Variants in KCNAB2 observed in about 807,000 individuals in gnomAD.
KCNAB2 encodes the protein potassium voltage-gated channel subfamily A regulatory beta subunit 2, also known as voltage-gated potassium channel subunit beta-2.
KCNAB2 carries 29 observed loss-of-function variants against 63.6 expected under a neutral mutation model. That is an observed-to-expected ratio of 0.46 (90% CI 0.34 to 0.62). The LOEUF (loss-of-function observed/expected upper bound fraction) is 0.62. Ranked by LOEUF, KCNAB2 falls within the 20% of genes least tolerant of loss-of-function variation. The pLI is 0.01. For missense variants in KCNAB2, 359 were observed against 563.9 expected (o/e 0.64, Z 3.68); for synonymous variants, 222 against 224.2 (o/e 0.99, Z 0.09).
intron 1 of KCNAB2, among the ~76,000 whole-genome samples, chr1:6,011,500 G>C (rs563490341): frequency 5.9e-5 from 9 of 152,236 alleles, no homozygotes; most frequent in Admixed American, 5.9e-4. Flanking sequence ...AGGAGAGGCA[G>C]GCAGATGTGC....
At position 6,073,934 on chromosome 1, in the gene KCNAB2, GA is replaced by G; in HGVS notation, c.300+167del. The G allele has an allele frequency of 1.5e-6, 1 of 678,368 alleles. No individual in the cohort carries two copies. 42.0% of individuals were successfully genotyped at this position (678,368 alleles called of 1,614,324 possible). ...GGGCGCCCTGCCCCAGGGGAGAGTAGAAAGGTGAGCCAGGTGGCCATGGCCA... is the reference window on the plus strand; with the variant it reads ...GGGCGCCCTGCCCCAGGGGAGAGTAGAAGGTGAGCCAGGTGGCCATGGCCA... On this transcript the variant is annotated intron_variant, in intron 4 of 15. Coordinates refer to ENST00000378083, the MANE Select transcript of KCNAB2 (RefSeq NM_001199862.2). This position sits in a 1 kb window ranked among gnomAD's most constrained non-coding sequence, Gnocchi z 5.7.
At chr1:6,007,208 G>T (rs182413202) in intron 1 of KCNAB2, among the ~76,000 whole-genome samples, 83 of 152,094 alleles carry the variant, frequency 5.5e-4, no homozygotes, top group Non-Finnish European at 6.5e-4. Flanking sequence ...GCATGGGGGG[G>T]GCTCAGCTCC....
upstream of KCNAB2, among the ~76,000 whole-genome samples, chr1:6,040,926 T>C (rs1439677628): frequency 1.3e-5 from 2 of 152,240 alleles, no homozygotes; most frequent in Admixed American, 6.5e-5. Flanking sequence ...CCGAAATATC[T>C]CGTTTGAGGT....
At chr1:6,060,227 A>C in intron 2 of KCNAB2, among the ~76,000 whole-genome samples, 1 of 151,766 alleles carries the variant, frequency 6.6e-6, no homozygotes, top group Non-Finnish European at 1.5e-5. Flanking sequence ...GCCCTGCCAT[A>C]CTCCTGGGCA....
chr1:6,058,135 C>A (rs936037798), intron 2 of KCNAB2, among the ~76,000 whole-genome samples: 1 of 152,184 alleles, frequency 6.6e-6, no homozygotes, highest in Non-Finnish European at 1.5e-5. Context: ...GGTGACAGAA[C>A]AAGACCCTGC....
At chr1:6,012,930 G>A (rs930007525) in intron 1 of KCNAB2, among the ~76,000 whole-genome samples, 7 of 152,150 alleles carry the variant, frequency 4.6e-5, no homozygotes, top group South Asian at 2.1e-4. Context: ...GCATCCTCTC[G>A]GTCAGGGATA....
At chr1:6,067,387 C>A (rs561746463) in intron 2 of KCNAB2, among the ~76,000 whole-genome samples, 38 of 152,340 alleles carry the variant, frequency 2.5e-4, no homozygotes, top group Non-Finnish European at 4.6e-4. Context: ...TGGGAATCTT[C>A]TGGGTTTATA....
At position 5,994,941 on chromosome 1, in the gene KCNAB2, C is replaced by G. The variant is rs1421255377; in HGVS notation, c.-53+2153C>G. On this transcript the variant is annotated intron_variant, in intron 1 of 16. Coordinates refer to the KCNAB2 transcript ENST00000341524. The surrounding 1 kb of genome is among the most constrained non-coding windows in gnomAD (Gnocchi z 5.4). ...CCCTAGACCTTCCTGTGTGTTGGTG[C>G]TCTGCCGTGGTAACTGGGAACACAT... 2.0e-5 allele frequency among the ~76,000 whole-genome samples: 3 copies of G among 152,182 alleles called. No individual in the cohort carries two copies. Among genetic ancestry groups the G allele is most frequent in the Non-Finnish European group, 4.4e-5 (3 of 68,042 alleles).
chr1:6,017,647 C>T (rs1053097701), intron 1 of KCNAB2, among the ~76,000 whole-genome samples: 1 of 152,044 alleles, frequency 6.6e-6, no homozygotes, highest in Non-Finnish European at 1.5e-5. Context: ...AAAAATTAGC[C>T]GGGCATGGTG....
In KCNAB2 at chr1:6,098,474, C is replaced by G. The variant is rs1416593497; in HGVS notation, c.1159-11C>G. The G allele has an allele frequency of 1.2e-6, 2 of 1,613,608 alleles. No individual in the cohort carries two copies. Among genetic ancestry groups the G allele is most frequent in the African/African-American group, 1.3e-5 (1 of 74,928 alleles). ...GGTGGGATTCTGATTTGTTGTTGTT[C>G]TTGCACGCAGGTCCTTCCGAAACTG... is the stretch of plus-strand genomic sequence containing the variant. On this transcript the variant is annotated splice_polypyrimidine_tract_variant and intron_variant, in intron 15 of 15. Transcript: ENST00000378083.
At chr1:6,023,388 G>A (rs570598733) in intron 1 of KCNAB2, among the ~76,000 whole-genome samples, 1 of 151,946 alleles carries the variant, frequency 6.6e-6, no homozygotes, top group African/African-American at 2.4e-5. Context: ...GTTTTCCATA[G>A]TGGCTGTACC....
chr1:6,034,495 C>G (rs933731391), exon 1 of KCNAB2: 5 of 152,276 alleles, frequency 3.3e-5, no homozygotes, highest in Admixed American at 1.3e-4. Context: ...ACAGATACAG[C>G]CTGACCTCGG....
chr1:6,050,845 G>T (rs2100529588), intron 1 of KCNAB2, among the ~76,000 whole-genome samples: 1 of 152,276 alleles, frequency 6.6e-6, no homozygotes, highest in East Asian at 1.9e-4. Context: ...TTTTTCTTTT[G>T]CAAAAAGCAT....
chr1:5,993,392 T>C (rs1332109742), intron 1 of KCNAB2, among the ~76,000 whole-genome samples: 2 of 149,760 alleles, frequency 1.3e-5, no homozygotes, highest in East Asian at 2.1e-4. Context: ...CCCTGCTTCC[T>C]GCACCAGTTC....
Position 6,051,612 on chromosome 1 carries a change from G to A in KCNAB2, c.76G>A (p.Val26Ile), listed in dbSNP as rs1465892764. 1.8e-5 allele frequency: 28 copies of A among 1,534,704 alleles called. No individual in the cohort carries two copies. Among genetic ancestry groups the A allele is most frequent in the East Asian group, 9.8e-5 (4 of 40,922 alleles). The change falls in exon 2 of 16, where the codon GTC (valine) becomes ATC (isoleucine). Residue 26 changes from valine to isoleucine, a missense_variant. Val to Ile is a conservative substitution (Grantham distance 29). Coordinates refer to ENST00000378083, the MANE Select transcript of KCNAB2 (RefSeq NM_001199862.2). Reference protein sequence around the residue: ...RCHSEWALHPVRQTDTLELQR... With the variant: ...RCHSEWALHPIRQTDTLELQR... ...CCACTCTGAATGGGCCCTGCACCCC[G>A]TCCGCCAGACGGACACGCTGGAACT...
At chr1:6,010,849 C>T (rs1658106383) in intron 1 of KCNAB2, among the ~76,000 whole-genome samples, 1 of 152,248 alleles carries the variant, frequency 6.6e-6, no homozygotes, top group Admixed American at 6.5e-5. Context: ...TGAGGGCGCT[C>T]TTCCCCAGAA....
intron 6 of KCNAB2, chr1:6,085,935 G>T (rs992150383): frequency 2.0e-6 from 2 of 985,312 alleles, no homozygotes; most frequent in Admixed American, 6.2e-5. Context: ...AGCGGTCCCC[G>T]GGTGTGATGG....
Position 6,082,178 on chromosome 1 carries a change from C to A in KCNAB2, c.301-17C>A. The A allele has an allele frequency of 2.5e-6, 4 of 1,611,076 alleles. No homozygotes were observed. The South Asian group carries it at 4.4e-5, about 18-fold the overall frequency. ...CCACCCCCGGCTGGCAGGACAGTGTCGGTTTTCTCGTTTCAGATGGCAGAG... is the reference window on the plus strand; with the variant it reads ...CCACCCCCGGCTGGCAGGACAGTGTAGGTTTTCTCGTTTCAGATGGCAGAG... On this transcript the variant is annotated splice_polypyrimidine_tract_variant and intron_variant, in intron 4 of 15. Coordinates refer to ENST00000378083, the MANE Select transcript of KCNAB2 (RefSeq NM_001199862.2).
intron 2 of KCNAB2, among the ~76,000 whole-genome samples, chr1:6,052,169 A>G (rs1661450026): frequency 6.6e-6 from 1 of 151,750 alleles, no homozygotes; most frequent in African/African-American, 2.4e-5. Flanking sequence ...TGCCTGTAAT[A>G]CCAGCACTTT....
Sources: allele counts gnomAD v4.1 joint callset (sites outside exome capture counted in the v4.1 genomes callset), GRCh38; gene constraint gnomAD v4.1.1; non-coding constraint Gnocchi (gnomAD v3.1); transcripts MANE v1.5; gene names NCBI Gene and HGNC (gene_info 2026-07-23, HGNC 2026-07-21).